The following ARMC7 variants were observed in gnomAD, a reference collection of about 807,000 sequenced individuals.
ARMC7 encodes armadillo repeat containing 7.
Under a neutral mutation model 14.8 loss-of-function variants are expected in ARMC7, and 9 were observed. That is an observed-to-expected ratio of 0.61 (90% CI 0.37 to 1.06). The LOEUF is 1.06. ARMC7 is among the 50% of genes least tolerant of loss of function. The pLI is 0.01. For missense variants in ARMC7, 262 were observed against 267.1 expected (o/e 0.98, Z 0.13); for synonymous variants, 125 against 123.4 (o/e 1.01, Z -0.09).
At chr17:75,125,062 C>T (rs1309939034) in intron 2 of ARMC7, among the ~76,000 whole-genome samples, 1 of 152,202 alleles carries the variant, frequency 6.6e-6, no homozygotes, top group African/African-American at 2.4e-5. Context: ...TCAGTCAGGG[C>T]CTGCTTGCCC....
At chr17:75,118,354 T>C (rs943770137) in intron 2 of ARMC7, among the ~76,000 whole-genome samples, 1 of 152,152 alleles carries the variant, frequency 6.6e-6, no homozygotes, top group Non-Finnish European at 1.5e-5. Flanking sequence ...CCCTGCTCTC[T>C]CTCCATGTCA....
chr17:75,128,405 G>GTTT, intron 2 of ARMC7, among the ~76,000 whole-genome samples: 2 of 151,734 alleles, frequency 1.3e-5, no homozygotes, highest in African/African-American at 4.8e-5. Flanking sequence ...ATTTAAGAAA[G>GTTT]GGGAAAAAAA....
chr17:75,127,688 G>A (rs995066508), intron 2 of ARMC7, among the ~76,000 whole-genome samples: 2 of 152,108 alleles, frequency 1.3e-5, no homozygotes, highest in Non-Finnish European at 2.9e-5. Context: ...TCCACTTCGT[G>A]GGCCCAAGCA....
intron 2 of ARMC7, among the ~76,000 whole-genome samples, chr17:75,112,732 T>C (rs1053300770): frequency 7.8e-5 from 11 of 141,338 alleles, no homozygotes; most frequent in Non-Finnish European, 1.4e-4. Context: ...TGCACCACCA[T>C]GCCCAGCTAA....
chr17:75,127,102 G>A (rs1046597890), intron 2 of ARMC7, among the ~76,000 whole-genome samples: 4 of 150,992 alleles, frequency 2.6e-5, no homozygotes, highest in African/African-American at 7.3e-5. Context: ...ATGCACAGTG[G>A]TGCATGCCTG....
Position 75,129,203 on chromosome 17 carries a change from G to A in ARMC7, c.*165G>A. 2 of 998,632 alleles carry A rather than the reference G, an allele frequency of 2.0e-6. No homozygotes were observed. The highest frequency in any genetic ancestry group is 1.4e-6 in the Non-Finnish European group (1 of 704,916). 61.9% of individuals were successfully genotyped at this position (998,632 alleles called of 1,614,324 possible). On this transcript the variant is annotated 3_prime_UTR_variant, in exon 3 of 3. Transcript: ENST00000245543. Reference sequence around the variant, plus strand: ...CATTTACACTGATGAAACGCCACTGGGAGTGAGGAAGCCAGACTCCAGAGA... The same window carrying A: ...CATTTACACTGATGAAACGCCACTGAGAGTGAGGAAGCCAGACTCCAGAGA...
At position 75,128,899 on chromosome 17, in the gene ARMC7, G is replaced by A. The variant is rs369323254; in HGVS notation, c.458G>A (p.Ser153Asn). The A allele has an allele frequency of 1.0e-4, 165 of 1,610,666 alleles. No homozygotes were observed. The highest frequency in any genetic ancestry group is 3.3e-4 in the Middle Eastern group (2 of 6,084). Residue 153 changes from serine (S) to asparagine (N), a missense_variant, in exon 3 of 3, where the codon AGC becomes AAC. Coordinates refer to ENST00000245543, the MANE Select transcript of ARMC7 (RefSeq NM_024585.4). Reference protein sequence around the residue: ...QCMLRFSLSASARLRNLAQIF... With the variant: ...QCMLRFSLSANARLRNLAQIF... ...ATGCTTCGCTTCTCCCTCTCGGCCA[G>A]CGCCAGGCTCCGGAACCTGGCACAG...
At position 75,109,998 on chromosome 17, in the gene ARMC7, C is replaced by T. The variant is rs2145108273; in HGVS notation, c.-291C>T. 2.8e-6 allele frequency: 1 copy of T among 351,880 alleles called. No homozygotes were observed. The highest frequency in any genetic ancestry group is 5.2e-6 in the Non-Finnish European group (1 of 191,378). 21.8% of individuals were successfully genotyped at this position (351,880 alleles called of 1,614,324 possible). A position where few individuals can be genotyped will look rare whatever the true frequency, so the allele number is the denominator to read the frequency against. ...CCGAGCCCAGGAGCCGGGGACGGTGCGCCAGTGCCCCCTCCGCGAGCCCCA... is the reference window on the plus strand; with the variant it reads ...CCGAGCCCAGGAGCCGGGGACGGTGTGCCAGTGCCCCCTCCGCGAGCCCCA... On this transcript the variant is annotated 5_prime_UTR_variant, in exon 1 of 3. Transcript: ENST00000245543. The surrounding 1 kb of genome is among the most constrained non-coding windows in gnomAD (Gnocchi z 5.0).
In ARMC7 at chr17:75,113,455, C is replaced by A. The variant is rs565572477; in HGVS notation, c.235+2849C>A. Among the ~76,000 whole-genome samples the A allele has an allele frequency of 5.3e-5, 8 of 151,232 alleles. No homozygotes were observed. The East Asian group carries it at 1.6e-3, about 30-fold the overall frequency. On this transcript the variant is annotated intron_variant, in intron 2 of 2. Coordinates refer to ENST00000245543, the MANE Select transcript of ARMC7 (RefSeq NM_024585.4). ...CTGCAAGCTCCGCCTCCCGGGTTCA[C>A]GCCATTCTCCTGCCTCAGCCTCCCA...
chr17:75,122,898 A>C (rs2074023689), intron 2 of ARMC7, among the ~76,000 whole-genome samples: 1 of 151,902 alleles, frequency 6.6e-6, no homozygotes, highest in Non-Finnish European at 1.5e-5. Context: ...GGGGCAGGTT[A>C]GGTGCTCACA....
intron 2 of ARMC7, among the ~76,000 whole-genome samples, chr17:75,117,132 A>G (rs1023033751): frequency 3.9e-5 from 6 of 152,194 alleles, no homozygotes; most frequent in African/African-American, 1.4e-4. Flanking sequence ...GTTGGAGTGC[A>G]ATGGTGCAAT....
At chr17:75,121,326 G>A (rs1444980577) in intron 2 of ARMC7, among the ~76,000 whole-genome samples, 4 of 152,184 alleles carry the variant, frequency 2.6e-5, no homozygotes, top group South Asian at 4.1e-4. Flanking sequence ...TGCGTTTAAC[G>A]TCATGAGAAG....
Position 75,128,714 on chromosome 17 carries a change from G to C in ARMC7, c.273G>C (p.Lys91Asn). Residue 91 changes from lysine to asparagine, a missense_variant, in exon 3 of 3, where the codon AAG becomes AAC. By Grantham distance (94) the Lys-to-Asn change is moderately conservative. Coordinates refer to ENST00000245543, the MANE Select transcript of ARMC7 (RefSeq NM_024585.4). ...LCNLCPDRANKEHILHAGGVP... is the reference protein window; with the variant it reads ...LCNLCPDRANNEHILHAGGVP... ...ACCTGTGCCCAGACAGGGCCAACAA[G>C]GAGCACATCCTGCACGCAGGAGGTG... 1.2e-6 allele frequency: 2 copies of C among 1,613,554 alleles called. No individual in the cohort carries two copies. Among genetic ancestry groups the C allele is most frequent in the Admixed American group, 3.3e-5 (2 of 60,004 alleles).
Position 75,114,836 on chromosome 17 carries a change from CTT to C in ARMC7, c.235+4231_235+4232del, listed in dbSNP as rs941555069. The C allele has an allele frequency of 3.0e-5, 12 of 397,612 alleles. No individual in the cohort carries two copies. The East Asian group carries it at 3.6e-4, about 12-fold the overall frequency. The allele number at this position is 397,612 out of a possible 1,614,324, so 24.6% of individuals were successfully genotyped here. A position where few individuals can be genotyped will look rare whatever the true frequency, so the allele number is the denominator to read the frequency against. On this transcript the variant is annotated intron_variant, in intron 2 of 2. Coordinates refer to ENST00000245543, the MANE Select transcript of ARMC7 (RefSeq NM_024585.4). ...GCAAATGAAATTTCTCGAAATTTCTCTTGTGTTTATTATGCATGACTGAGAAG... is the reference window on the plus strand; with the variant it reads ...GCAAATGAAATTTCTCGAAATTTCTCGTGTTTATTATGCATGACTGAGAAG...
At chr17:75,115,997 C>T (rs911217627) in intron 2 of ARMC7, among the ~76,000 whole-genome samples, 6 of 151,656 alleles carry the variant, frequency 4.0e-5, no homozygotes, top group African/African-American at 7.3e-5. Flanking sequence ...AGGTGAGGTG[C>T]GGGATGGGAT....
At position 75,130,082 on chromosome 17, in the gene ARMC7, G is replaced by A. The variant is rs557604478; in HGVS notation, c.*1044G>A. On this transcript the variant is annotated 3_prime_UTR_variant, in exon 3 of 3. Coordinates refer to ENST00000245543, the MANE Select transcript of ARMC7 (RefSeq NM_024585.4). ...TGACCCCTTAGATGGCCCAGGAATG[G>A]CAGGTGCTACAAAAATGGTACCCAC... The A allele has an allele frequency of 1.1e-4, 20 of 179,278 alleles. No individual in the cohort carries two copies. The highest frequency in any genetic ancestry group is 1.2e-5 in the Non-Finnish European group (1 of 83,324). The allele number at this position is 179,278 out of a possible 1,614,324, so 11.1% of individuals were successfully genotyped here.
At chr17:75,128,106 G>A (rs1249225118) in intron 2 of ARMC7, among the ~76,000 whole-genome samples, 6 of 151,648 alleles carry the variant, frequency 4.0e-5, no homozygotes, top group Admixed American at 3.3e-4. Flanking sequence ...ACAGAGTCTA[G>A]CTCTGTTGCC....
At position 75,113,361 on chromosome 17, in the gene ARMC7, A is replaced by ATT. The variant is rs35928626; in HGVS notation, c.235+2765_235+2766dup. Among the ~76,000 whole-genome samples the ATT allele has an allele frequency of 1.7e-4, 23 of 138,138 alleles. No homozygotes were observed. The South Asian group carries it at 4.6e-3, about 27-fold the overall frequency. 90.6% of individuals were successfully genotyped at this position (138,138 alleles called of 152,430 possible). ...TTTTAAAAATACTTTTTATTTATTT[A>ATT]TTTTTTTTTTTGAGATGGAGTCTTG... On this transcript the variant is annotated intron_variant, in intron 2 of 2. Coordinates refer to ENST00000245543, the MANE Select transcript of ARMC7 (RefSeq NM_024585.4).
rs866708507 is a variant in ARMC7 at position 75,128,807 on chromosome 17, C to T, written c.366C>T (p.Leu122=). 3 of 1,613,182 alleles carry T rather than the reference C, an allele frequency of 1.9e-6. No homozygotes were observed. The African/African-American group carries it at 4.0e-5, about 22-fold the overall frequency. The change falls in exon 3 of 3, where the codon CTC becomes CTT. Residue 122 remains leucine, a synonymous_variant. Transcript: ENST00000245543. Reference sequence around the variant, plus strand: ...CGGTGCTGTCTGCCATCACCACGCTCATGCACCTGAGCCCGCCGGGCCGCA... The same window carrying T: ...CGGTGCTGTCTGCCATCACCACGCTTATGCACCTGAGCCCGCCGGGCCGCA... ...EETVLSAITT[L]MHLSPPGRSF...
Sources: allele counts gnomAD v4.1 joint callset (sites outside exome capture counted in the v4.1 genomes callset), GRCh38; gene constraint gnomAD v4.1.1; non-coding constraint Gnocchi (gnomAD v3.1); transcripts MANE v1.5; gene names NCBI Gene and HGNC (gene_info 2026-07-23, HGNC 2026-07-21).